PCNT: variants seen among roughly 807,000 people sequenced by gnomAD.
PCNT encodes kendrin.
PCNT carries 319 observed loss-of-function variants against 380.4 expected under a neutral mutation model. That is an observed-to-expected ratio of 0.84 (90% confidence interval 0.77 to 0.92). The LOEUF (loss-of-function observed/expected upper bound fraction) is 0.92, where lower values mean the gene tolerates loss of function less well. PCNT is among the 40% of genes least tolerant of loss of function. PCNT has a pLI of 0.00. For synonymous variants in PCNT, 1,845 were observed against 1,735.2 expected, an observed-to-expected ratio of 1.06 and a Z score of -1.57; for missense variants, 4,400 against 4,255.3, an observed-to-expected ratio of 1.03 and a Z score of -0.95.
chr21:46,362,196 A>T (rs1281563388), intron 13 of PCNT, among the ~76,000 whole-genome samples: 2 of 151,446 alleles, frequency 1.3e-5, no homozygotes, highest in Non-Finnish European at 3.0e-5. Context: ...GTATGTACAG[A>T]TCGGGGTCAG....
At chr21:46,370,717 GGAA>G in intron 15 of PCNT, among the ~76,000 whole-genome samples, 1 of 152,270 alleles carries the variant, frequency 6.6e-6, no homozygotes, top group East Asian at 1.9e-4. Context: ...ACCAGCCTGG[GGAA>G]CATAGCAAGA....
intron 17 of PCNT, among the ~76,000 whole-genome samples, chr21:46,386,816 T>C (rs1408967321): frequency 6.6e-6 from 1 of 152,238 alleles, no homozygotes; most frequent in Non-Finnish European, 1.5e-5. Context: ...GTCTGGGCAG[T>C]GGACTCGGCA....
chr21:46,362,678 C>T (rs1001524624), intron 13 of PCNT, among the ~76,000 whole-genome samples: 10 of 152,030 alleles, frequency 6.6e-5, no homozygotes, highest in Non-Finnish European at 1.2e-4. Flanking sequence ...TGGTGGCTCA[C>T]ACCTGTAACA....
intron 31 of PCNT, 40 bp downstream of exon 31, chr21:46,418,346 T>C: frequency 1.7e-6 from 2 of 1,197,030 alleles, no homozygotes; most frequent in Non-Finnish European, 2.5e-6. Context: ...TTTATTTCAG[T>C]GGTTTCCTAG....
At chr21:46,329,453 C>T (rs1405487185) in intron 2 of PCNT, among the ~76,000 whole-genome samples, 3 of 152,090 alleles carry the variant, frequency 2.0e-5, no homozygotes, top group Non-Finnish European at 4.4e-5. Flanking sequence ...CTACAATAAA[C>T]ACATTAGGTT....
chr21:46,440,834 T>G (rs2053589764), intron 42 of PCNT, 21 bp from the exon 43 acceptor site: 2 of 1,447,480 alleles, frequency 1.4e-6, no homozygotes, highest in African/African-American at 1.4e-5. Context: ...TGATAAAATT[T>G]TACTGCTTTT....
At chr21:46,434,811 C>T (rs532596956) in intron 38 of PCNT, among the ~76,000 whole-genome samples, 1 of 152,322 alleles carries the variant, frequency 6.6e-6, no homozygotes, top group African/African-American at 2.4e-5. Context: ...CACAAATGTG[C>T]CTGTCTGTGT....
At chr21:46,378,680 C>T (rs1347123436) in intron 15 of PCNT, among the ~76,000 whole-genome samples, 2 of 152,168 alleles carry the variant, frequency 1.3e-5, no homozygotes, top group Non-Finnish European at 2.9e-5. Flanking sequence ...TAACTGAAAC[C>T]GCAGACAAAG....
Position 46,381,897 on chromosome 21 carries a change from T to A in PCNT, c.3312+57T>A, listed in dbSNP as rs374909079. The A allele has an allele frequency of 6.3e-6, 10 of 1,580,714 alleles. No individual in the cohort carries two copies. The East Asian group carries it at 1.3e-4, about 21-fold the overall frequency. ...GACGTGTATAGCATAAAAATCATTT[T>A]CACTTTATTTCAGTGCACAGTTCAG... On this transcript the variant is annotated intron_variant, in intron 16 of 46. Transcript: ENST00000359568.
In PCNT at chr21:46,390,662, T is replaced by G; in HGVS notation, c.3841-8T>G. ...CTGGAGTTTTGATTTGCAAATGTGT[T>G]TTAACAGCTGGAAGAAGCACGCCAA... On this transcript the variant is annotated splice_polypyrimidine_tract_variant and splice_region_variant and intron_variant, in intron 19 of 46. Coordinates refer to ENST00000359568, the MANE Select transcript of PCNT (RefSeq NM_006031.6). 6.2e-7 allele frequency: 1 copy of G among 1,614,048 alleles called. No homozygotes were observed. The highest frequency in any genetic ancestry group is 8.5e-7 in the Non-Finnish European group (1 of 1,179,946).
At chr21:46,441,729 G>A (rs2053612491) in intron 43 of PCNT, among the ~76,000 whole-genome samples, 1 of 152,146 alleles carries the variant, frequency 6.6e-6, no homozygotes, top group African/African-American at 2.4e-5. Flanking sequence ...CCCTGCAGGA[G>A]GAAGCATTTT....
chr21:46,414,360 C>G (rs1853266269), intron 29 of PCNT, among the ~76,000 whole-genome samples: 1 of 151,982 alleles, frequency 6.6e-6, no homozygotes, highest in East Asian at 1.9e-4. Flanking sequence ...CGCAGCCTCC[C>G]TGGACACACA....
intron 13 of PCNT, among the ~76,000 whole-genome samples, chr21:46,362,830 G>GCC (rs1011935848): frequency 1.3e-5 from 2 of 151,316 alleles, no homozygotes; most frequent in African/African-American, 4.9e-5. Context: ...CTGTGATTGT[G>GCC]CCCCTGCACT....
At chr21:46,358,103 G>A (rs905613787) in intron 13 of PCNT, among the ~76,000 whole-genome samples, 2 of 152,118 alleles carry the variant, frequency 1.3e-5, no homozygotes, top group African/African-American at 4.8e-5. Context: ...TGCCGGAGCA[G>A]TGGAGTTAAA....
At chr21:46,371,799 GCACACACAGCACATGCA>G (rs2085137258) in intron 15 of PCNT, among the ~76,000 whole-genome samples, 1 of 151,400 alleles carries the variant, frequency 6.6e-6, no homozygotes, top group Non-Finnish European at 1.5e-5. Flanking sequence ...CAGCACATGT[GCACACACAGCACATGCA>G]CACACACATG....
intron 5 of PCNT, 29 bp from the exon 6 acceptor site, chr21:46,347,428 G>A: frequency 6.2e-7 from 1 of 1,613,660 alleles, no homozygotes; most frequent in Non-Finnish European, 8.5e-7. Context: ...AGATGGAGTG[G>A]CCTGAGCTGC....
chr21:46,411,372 C>G lies in PCNT; in HGVS notation c.5299C>G (p.Gln1767Glu). 2 of 1,614,026 alleles carry G rather than the reference C, an allele frequency of 1.2e-6. No homozygotes were observed. The highest frequency in any genetic ancestry group is 1.7e-6 in the Non-Finnish European group (2 of 1,180,024). The stretch of plus-strand genomic sequence containing the variant: ...TGTGGTGCACGAAGTCAGCGACAGT[C>G]AGGCTGGCAGTCTGCAGAGCGAGCT... ...GPVVHEVSDS[Q>E]AGSLQSELLC... The change falls in exon 28 of 47, where the codon CAG becomes GAG. Residue 1767 changes from glutamine (Q) to glutamate (E), a missense_variant. Transcript: ENST00000359568.
At chr21:46,399,323 A>AGGTCTCCCTCTGCAGCCTGTGGGTCTG (rs2086335229) in intron 24 of PCNT, among the ~76,000 whole-genome samples, 1 of 101,376 alleles carries the variant, frequency 9.9e-6, no homozygotes, top group Admixed American at 9.4e-5. Flanking sequence ...CTGTGGGTCT[A>AGGTCTCCCTCTGCAGCCTGTGGGTCTG]GGTCTCCCTG....
At position 46,358,633 on chromosome 21, in the gene PCNT, T is replaced by G. The variant is rs138797354; in HGVS notation, c.2154+1442T>G. Among the ~76,000 whole-genome samples the G allele has an allele frequency of 3.3e-3, 506 of 151,306 alleles. 1 individual carries two copies. The highest frequency in any genetic ancestry group is 0.011 in the African/African-American group (439 of 41,318). ...TGTTGTTGTTTTGTTGTTTTGTTTT[T>G]TTTTTTTTTGAGACTGAGTCTTGCT... On this transcript the variant is annotated intron_variant, in intron 13 of 46. Transcript: ENST00000359568.
Sources: allele counts gnomAD v4.1 joint callset (sites outside exome capture counted in the v4.1 genomes callset), GRCh38; gene constraint gnomAD v4.1.1; transcripts MANE v1.5; gene names NCBI Gene and HGNC (gene_info 2026-07-23, HGNC 2026-07-21).